The following UNC79 variants were observed in gnomAD, a reference collection of about 807,000 sequenced individuals.
The protein encoded by UNC79 is unc-79 subunit of NALCN channel complex, also known as protein unc-79 homolog.
Under a neutral mutation model 283.1 loss-of-function variants are expected in UNC79, and 37 were observed. The observed-to-expected ratio is 0.13, with a 90% CI of 0.10 to 0.17. The LOEUF is 0.17. Ranked by LOEUF, UNC79 falls within the 10% of genes least tolerant of loss-of-function variation. UNC79 has a pLI of 1.00. For synonymous variants in UNC79, 1,107 were observed against 1,200.2 expected, an observed-to-expected ratio of 0.92 and a Z score of 1.61; for missense variants, 2,272 against 3,211.1, an observed-to-expected ratio of 0.71 and a Z score of 7.07.
chr14:93,458,773 C>T (rs1336553964), intron 1 of UNC79, among the ~76,000 whole-genome samples: 1 of 152,148 alleles, frequency 6.6e-6, no homozygotes, highest in East Asian at 1.9e-4. Flanking sequence ...TGACCATCTG[C>T]TATGTACCTA....
chr14:93,425,484 T>C (rs2055706201), upstream of UNC79, among the ~76,000 whole-genome samples: 1 of 152,214 alleles, frequency 6.6e-6, no homozygotes, highest in Admixed American at 6.5e-5. Flanking sequence ...TAAAGACTTA[T>C]TATAAAGCTA....
chr14:93,545,635 A>G (rs2061560722), intron 14 of UNC79, among the ~76,000 whole-genome samples: 1 of 152,208 alleles, frequency 6.6e-6, no homozygotes, highest in African/African-American at 2.4e-5. Context: ...CATAAAGTCA[A>G]TCTTAGTTCC....
chr14:93,477,470 C>G lies in UNC79; in HGVS notation c.449-88C>G, dbSNP rs1179159299. On this transcript the variant is annotated intron_variant, in intron 3 of 48. Coordinates refer to ENST00000555664, the Ensembl canonical transcript of UNC79. ...GAGCACTAGTTGCTTATAACTTAAA[C>G]CAGTTCATTAAAGCTTAAAATGTAA... 4 of 1,135,396 alleles carry G rather than the reference C, an allele frequency of 3.5e-6. No individual in the cohort carries two copies. In the African/African-American group the frequency reaches 6.3e-5, roughly 18 times the overall value. The allele number at this position is 1,135,396 out of a possible 1,614,324, so 70.3% of individuals were successfully genotyped here. A position where few individuals can be genotyped will look rare whatever the true frequency, so the allele number is the denominator to read the frequency against.
At chr14:93,385,507 A>T (rs2139996699) in intron 1 of UNC79, among the ~76,000 whole-genome samples, 1 of 152,234 alleles carries the variant, frequency 6.6e-6, no homozygotes, top group Admixed American at 6.5e-5. Context: ...GGCCAGGCAC[A>T]GTGACTCACG....
At chr14:93,633,595 T>C (rs1454414659) in intron 31 of UNC79, among the ~76,000 whole-genome samples, 1 of 152,166 alleles carries the variant, frequency 6.6e-6, no homozygotes, top group Non-Finnish European at 1.5e-5. Flanking sequence ...ATACAAGGTA[T>C]TTGGGGTCAT....
exon 2 of UNC79, chr14:93,467,686 G>A (rs1453113045): frequency 1.7e-5 from 13 of 746,834 alleles, no homozygotes; most frequent in Non-Finnish European, 2.2e-5. Flanking sequence ...TCCAAGATCC[G>A]GTACTTGCAG....
chr14:93,538,195 C>G, exon 12 of UNC79: 2 of 1,605,766 alleles, frequency 1.2e-6, no homozygotes, highest in Non-Finnish European at 1.7e-6. Context: ...AGGAGCTGGT[C>G]TGCGCCGTGG....
At chr14:93,522,987 A>G (rs2060391845) in intron 7 of UNC79, among the ~76,000 whole-genome samples, 1 of 152,182 alleles carries the variant, frequency 6.6e-6, no homozygotes, top group African/African-American at 2.4e-5. Context: ...TTGAATTATA[A>G]TTGAATATGT....
At chr14:93,448,517 A>G (rs1225245406) in intron 1 of UNC79, among the ~76,000 whole-genome samples, 1 of 152,170 alleles carries the variant, frequency 6.6e-6, no homozygotes, top group Non-Finnish European at 1.5e-5. Flanking sequence ...GGATCAGAAT[A>G]TACTGACTTT....
At chr14:93,605,446 C>G (rs952633385) in intron 26 of UNC79, among the ~76,000 whole-genome samples, 11 of 152,140 alleles carry the variant, frequency 7.2e-5, no homozygotes, top group African/African-American at 2.7e-4. Flanking sequence ...AGAATTTCCT[C>G]TGTTTGGAGG....
Position 93,643,704 on chromosome 14 carries a change from G to A in UNC79, c.6044+7G>A, listed in dbSNP as rs752408445. The A allele has an allele frequency of 1.9e-6, 3 of 1,611,890 alleles. No homozygotes were observed. Among genetic ancestry groups the A allele is most frequent in the Admixed American group, 1.7e-5 (1 of 59,886 alleles). On this transcript the variant is annotated splice_region_variant and intron_variant, in intron 34 of 48. Coordinates refer to ENST00000555664, the Ensembl canonical transcript of UNC79. ...TCATGCAGTCTGTGGGAAGGTGAATGTCAGCTTCTGTTTTGTTTGGTAGGA... is the reference window on the plus strand; with the variant it reads ...TCATGCAGTCTGTGGGAAGGTGAATATCAGCTTCTGTTTTGTTTGGTAGGA...
At chr14:93,609,011 A>G (rs940405155) in intron 26 of UNC79, among the ~76,000 whole-genome samples, 4 of 152,226 alleles carry the variant, frequency 2.6e-5, no homozygotes, top group Non-Finnish European at 5.9e-5. Context: ...TCTGCCTTGC[A>G]TAATTGTCAT....
Position 93,688,593 on chromosome 14 carries a change from T to C in UNC79, c.6910-72T>C. On this transcript the variant is annotated intron_variant, in intron 43 of 48. Transcript: ENST00000555664. The surrounding 1 kb of genome is among the most constrained non-coding windows in gnomAD (Gnocchi z 4.0). ...TAAGCGGGGTGGAAATGACAACCTC[T>C]TCTTTTCAAAGAATGGCCTGGAATG... is the stretch of plus-strand genomic sequence containing the variant. 1 of 1,540,186 alleles carries C rather than the reference T, an allele frequency of 6.5e-7. No homozygotes were observed. The highest frequency in any genetic ancestry group is 1.3e-5 in the South Asian group (1 of 79,380).
At chr14:93,644,883 T>C (rs1465907804) in intron 34 of UNC79, among the ~76,000 whole-genome samples, 1 of 152,142 alleles carries the variant, frequency 6.6e-6, no homozygotes, top group African/African-American at 2.4e-5. Context: ...TGTATAAAGG[T>C]AAGTGTGACC....
At position 93,617,067 on chromosome 14, in the gene UNC79, C is replaced by A; in HGVS notation, c.4042-55C>A. The A allele has an allele frequency of 6.6e-7, 1 of 1,506,376 alleles. No homozygotes were observed. Among genetic ancestry groups the A allele is most frequent in the Non-Finnish European group, 9.0e-7 (1 of 1,117,022 alleles). 93.3% of individuals were successfully genotyped at this position (1,506,376 alleles called of 1,614,324 possible). ...GGATGGCTCAAATTTTTCCTTTTGA[C>A]CTCTGAGTGTTCTTTGTAGTTTTCC... On this transcript the variant is annotated intron_variant, in intron 27 of 48. Coordinates refer to ENST00000555664, the Ensembl canonical transcript of UNC79. The surrounding 1 kb of genome is among the most constrained non-coding windows in gnomAD (Gnocchi z 4.5).
intron 1 of UNC79, chr14:93,464,465 C>G: frequency 2.2e-6 from 1 of 454,064 alleles, no homozygotes; most frequent in Non-Finnish European, 4.4e-6. Flanking sequence ...TTAGGGTCCA[C>G]CACGGAAACG....
chr14:93,670,746 G>A (rs1379775194), intron 40 of UNC79, among the ~76,000 whole-genome samples: 2 of 152,198 alleles, frequency 1.3e-5, no homozygotes, highest in Non-Finnish European at 2.9e-5. Flanking sequence ...GGGTGGGGCT[G>A]ATAGCCCCAA....
intron 14 of UNC79, among the ~76,000 whole-genome samples, chr14:93,546,132 T>C (rs1047132914): frequency 6.6e-6 from 1 of 152,214 alleles, no homozygotes; most frequent in African/African-American, 2.4e-5. Flanking sequence ...GCAGGAATAA[T>C]TGGAGAAGCT....
intron 14 of UNC79, among the ~76,000 whole-genome samples, chr14:93,550,991 G>A (rs2061863816): frequency 6.6e-6 from 1 of 151,892 alleles, no homozygotes; most frequent in African/African-American, 2.4e-5. Flanking sequence ...TCCCCGAGCT[G>A]GTTCCCCAAA....
Sources: allele counts gnomAD v4.1 joint callset (sites outside exome capture counted in the v4.1 genomes callset), GRCh38; gene constraint gnomAD v4.1.1; non-coding constraint Gnocchi (gnomAD v3.1); transcripts MANE v1.5; gene names NCBI Gene and HGNC (gene_info 2026-07-23, HGNC 2026-07-21).